PANK1: variants seen among roughly 807,000 people sequenced by gnomAD.
PANK1 encodes the protein pantothenate kinase 1, also known as pantothenic acid kinase 1.
PANK1 carries 18 observed loss-of-function variants against 40.1 expected under a neutral mutation model. That is an observed-to-expected ratio of 0.45 (90% CI 0.31 to 0.67). PANK1 has a LOEUF of 0.67. Among genes scored for constraint, PANK1 ranks in the 30% least tolerant of loss-of-function variants. The pLI is 0.06. For synonymous variants in PANK1, 242 were observed against 237.7 expected (o/e 1.02, Z -0.17); for missense variants, 457 against 599.6 (o/e 0.76, Z 2.48).
intron 1 of PANK1, chr10:89,643,922 C>T: frequency 7.6e-7 from 1 of 1,318,526 alleles, no homozygotes; most frequent in Non-Finnish European, 9.9e-7. Flanking sequence ...ATTACAAACC[C>T]TCAACTCAAC....
At chr10:89,584,797 A>C (rs963992801) in intron 6 of PANK1, among the ~76,000 whole-genome samples, 1 of 152,172 alleles carries the variant, frequency 6.6e-6, no homozygotes, top group Non-Finnish European at 1.5e-5. Flanking sequence ...GAAGGTAATA[A>C]AGTAAATTAC....
At chr10:89,614,077 CAG>C (rs1393256141) in intron 1 of PANK1, 1 of 454,188 alleles carries the variant, frequency 2.2e-6, no homozygotes, top group African/African-American at 2.0e-5. Context: ...AAAGTCTGAC[CAG>C]AGTCTTTTTC....
At chr10:89,636,094 A>T (rs1841796956) in intron 1 of PANK1, among the ~76,000 whole-genome samples, 1 of 152,062 alleles carries the variant, frequency 6.6e-6, no homozygotes, top group Admixed American at 6.5e-5. Flanking sequence ...TCATGCTGGT[A>T]GGTCTAGAGT....
chr10:89,625,698 GCT>G (rs1326312784), intron 1 of PANK1: 3 of 151,432 alleles, frequency 2.0e-5, no homozygotes, highest in Non-Finnish European at 4.4e-5. Context: ...CAACATGAAA[GCT>G]CTGTTGCTTT....
At chr10:89,617,072 A>G (rs1845342277) in intron 1 of PANK1, among the ~76,000 whole-genome samples, 1 of 152,248 alleles carries the variant, frequency 6.6e-6, no homozygotes, top group Non-Finnish European at 1.5e-5. Context: ...TGCTATGGTG[A>G]TGGGAAGCAT....
At chr10:89,616,920 C>CAAAAAAAAAAAAAAAAAAA (rs937915055) in intron 1 of PANK1, among the ~76,000 whole-genome samples, 1 of 150,450 alleles carries the variant, frequency 6.6e-6, no homozygotes, top group African/African-American at 2.5e-5. Context: ...GACTCCATCT[C>CAAAAAAAAAAAAAAAAAAA]AAAAAAAGAG....
chr10:89,610,509 A>G (rs775845160), intron 2 of PANK1, among the ~76,000 whole-genome samples: 4 of 152,154 alleles, frequency 2.6e-5, no homozygotes, highest in Non-Finnish European at 5.9e-5. Context: ...CACTTAGGAT[A>G]CTATTCTAGG....
chr10:89,630,011 C>T (rs1041943982), intron 1 of PANK1, among the ~76,000 whole-genome samples: 1 of 152,180 alleles, frequency 6.6e-6, no homozygotes, highest in African/African-American at 2.4e-5. Context: ...GACAGCATTA[C>T]CAGGACTTGA....
At chr10:89,635,785 AATACAATGGTGGAATAGGCAAAGG>A (rs1193011697) in intron 1 of PANK1, among the ~76,000 whole-genome samples, 1 of 152,218 alleles carries the variant, frequency 6.6e-6, no homozygotes, top group Non-Finnish European at 1.5e-5. Context: ...TTACTTCCAA[AATACAATGGTGGAATAGGCAAAGG>A]ATAGACATTC....
Position 89,599,052 on chromosome 10 carries a change from T to C in PANK1, c.899+200A>G, listed in dbSNP as rs532040332. 2.7e-4 allele frequency: 149 copies of C among 545,332 alleles called. No individual in the cohort carries two copies. In the Middle Eastern group the frequency reaches 3.4e-3, roughly 12 times the overall value. The allele number at this position is 545,332 out of a possible 1,614,324, so 33.8% of individuals were successfully genotyped here. A position where few individuals can be genotyped will look rare whatever the true frequency, so the allele number is the denominator to read the frequency against. ...TCCCTCAACCTGACCAAAGTTTCTA[T>C]CAAGGCAAGAACTGTTTTATTAACA... On this transcript the variant is annotated intron_variant, in intron 3 of 6. Transcript: ENST00000307534.
At chr10:89,635,143 T>A (rs7096229) in intron 1 of PANK1, among the ~76,000 whole-genome samples, 55,195 of 151,046 alleles carry the variant, frequency 0.37, 11,038 homozygotes, top group East Asian at 0.73. Flanking sequence ...TATATATATA[T>A]AGAGAGAGAG....
At chr10:89,589,268 T>C (rs1283590027) in intron 5 of PANK1, among the ~76,000 whole-genome samples, 1 of 152,192 alleles carries the variant, frequency 6.6e-6, no homozygotes, top group Admixed American at 6.5e-5. Context: ...GAATACTCAG[T>C]CTCTGCCCTC....
At chr10:89,613,711 G>A (rs550263826) in intron 1 of PANK1, among the ~76,000 whole-genome samples, 20 of 152,188 alleles carry the variant, frequency 1.3e-4, no homozygotes, top group Non-Finnish European at 2.5e-4. Flanking sequence ...TGGGAAACTC[G>A]CTTGTCCTAG....
intron 2 of PANK1, 88 bp from the exon 3 acceptor site, chr10:89,599,593 C>A: frequency 7.9e-7 from 1 of 1,271,780 alleles, no homozygotes; most frequent in South Asian, 1.4e-5. Flanking sequence ...AAGATGGGGT[C>A]ATTCACATGA....
At chr10:89,591,887 A>G (rs1427184018) in intron 5 of PANK1, among the ~76,000 whole-genome samples, 1 of 152,230 alleles carries the variant, frequency 6.6e-6, no homozygotes, top group Non-Finnish European at 1.5e-5. Context: ...AAAAAGCACA[A>G]GAAGCCAGCT....
chr10:89,606,284 G>A (rs577396798), intron 2 of PANK1, among the ~76,000 whole-genome samples: 2 of 152,296 alleles, frequency 1.3e-5, no homozygotes, highest in East Asian at 3.9e-4. Context: ...ATTGACTTCT[G>A]TTCTGTACTA....
At chr10:89,587,513 T>C (rs1167797466) in intron 6 of PANK1, among the ~76,000 whole-genome samples, 2 of 152,224 alleles carry the variant, frequency 1.3e-5, no homozygotes, top group Non-Finnish European at 2.9e-5. Context: ...GAGAAAAACC[T>C]GTAAACATTC....
chr10:89,605,657 C>T (rs1276261973), intron 2 of PANK1, among the ~76,000 whole-genome samples: 1 of 152,256 alleles, frequency 6.6e-6, no homozygotes, highest in South Asian at 2.1e-4. Flanking sequence ...GAACTCTGTC[C>T]ATGAGGCTGA....
At chr10:89,635,332 C>A (rs1841772296) in intron 1 of PANK1, among the ~76,000 whole-genome samples, 1 of 152,128 alleles carries the variant, frequency 6.6e-6, no homozygotes. Flanking sequence ...ATGGCAAGGA[C>A]CTTCCTGCTG....
Sources: allele counts gnomAD v4.1 joint callset (sites outside exome capture counted in the v4.1 genomes callset), GRCh38; gene constraint gnomAD v4.1.1; transcripts MANE v1.5; gene names NCBI Gene and HGNC (gene_info 2026-07-23, HGNC 2026-07-21).